The following NALCN variants were observed in gnomAD, a reference collection of about 807,000 sequenced individuals.
NALCN encodes sodium leak channel NALCN.
Under a neutral mutation model 225.3 loss-of-function variants are expected in NALCN, and 111 were observed. The observed-to-expected ratio is 0.49, with a 90% CI of 0.42 to 0.58. NALCN has a LOEUF of 0.58. NALCN is among the 20% of genes least tolerant of loss of function. The pLI, the probability that NALCN is intolerant of heterozygous loss-of-function variation, is 0.00. For synonymous variants in NALCN, 764 were observed against 769.0 expected, an observed-to-expected ratio of 0.99 and a Z score of 0.11; for missense variants, 1,378 against 2,202.4, an observed-to-expected ratio of 0.63 and a Z score of 7.49.
At chr13:101,378,020 C>T (rs2046743503) in intron 4 of NALCN, among the ~76,000 whole-genome samples, 1 of 152,012 alleles carries the variant, frequency 6.6e-6, no homozygotes, top group Admixed American at 6.6e-5. Context: ...TTTATGTTGG[C>T]TAATACCTAT....
intron 1 of NALCN, among the ~76,000 whole-genome samples, chr13:101,405,412 G>A (rs2047589657): frequency 6.6e-6 from 1 of 152,116 alleles, no homozygotes; most frequent in Admixed American, 6.5e-5. Flanking sequence ...TGCCTCATGT[G>A]TCACCATCCC....
chr13:101,095,825 T>C (rs2034472530), intron 27 of NALCN, 145 bp from the exon 28 acceptor site: 2 of 653,504 alleles, frequency 3.1e-6, no homozygotes, highest in Non-Finnish European at 5.2e-6. Context: ...ACCCAGCAAA[T>C]AGTAACAAAG....
intron 15 of NALCN, among the ~76,000 whole-genome samples, chr13:101,151,388 T>C (rs1368233501): frequency 6.6e-6 from 1 of 152,246 alleles, no homozygotes. Flanking sequence ...TAAAAATTTT[T>C]GTAATTTTTT....
chr13:101,335,557 G>A (rs1004719054), intron 7 of NALCN, among the ~76,000 whole-genome samples: 1 of 152,060 alleles, frequency 6.6e-6, no homozygotes, highest in Non-Finnish European at 1.5e-5. Flanking sequence ...ATTTTTATCA[G>A]AGCAAACAGA....
intron 6 of NALCN, among the ~76,000 whole-genome samples, chr13:101,375,455 T>C (rs2046661132): frequency 6.6e-6 from 1 of 152,218 alleles, no homozygotes; most frequent in African/African-American, 2.4e-5. Flanking sequence ...TTACTTTGTA[T>C]ATATACAAGT....
chr13:101,376,969 G>T lies in NALCN; in HGVS notation c.463C>A (p.Arg155=). Residue 155 remains arginine, a synonymous_variant, in exon 5 of 44, where the codon CGG becomes AGG. Coordinates refer to ENST00000251127, the MANE Select transcript of NALCN (RefSeq NM_052867.4). ...PRPLIMIRAF[R]IYFRFELPRT... ...GGCAGTTCAAATCGGAAATAAATCC[G>T]GAATGCTCGGATCATAATCAGTGGC... 1 of 1,614,072 alleles carries T rather than the reference G, an allele frequency of 6.2e-7. No individual in the cohort carries two copies. Among genetic ancestry groups the T allele is most frequent in the Non-Finnish European group, 8.5e-7 (1 of 1,180,018 alleles).
intron 40 of NALCN, among the ~76,000 whole-genome samples, chr13:101,062,990 G>A (rs1310282163): frequency 1.3e-5 from 2 of 152,234 alleles, no homozygotes; most frequent in African/African-American, 4.8e-5. Context: ...GGCCCATGCA[G>A]TTGTAGGTAA....
intron 15 of NALCN, among the ~76,000 whole-genome samples, chr13:101,169,640 T>C (rs2038620191): frequency 1.3e-5 from 2 of 152,208 alleles, no homozygotes; most frequent in African/African-American, 2.4e-5. Flanking sequence ...CTTTTCATTA[T>C]AAATGAAGGA....
intron 7 of NALCN, among the ~76,000 whole-genome samples, chr13:101,312,276 G>A (rs1317170017): frequency 4.6e-5 from 7 of 151,938 alleles, no homozygotes; most frequent in Admixed American, 2.6e-4. Context: ...TCTTGTTAGA[G>A]GTCTATCAAT....
Position 101,201,692 on chromosome 13 carries a change from G to A in NALCN, c.1627-9638C>T, listed in dbSNP as rs542176624. Among the ~76,000 whole-genome samples, 4 of 152,042 alleles carry A rather than the reference G, an allele frequency of 2.6e-5. No homozygotes were observed. In the South Asian group the frequency reaches 8.3e-4, roughly 32 times the overall value. On this transcript the variant is annotated intron_variant, in intron 13 of 43. Coordinates refer to ENST00000251127, the MANE Select transcript of NALCN (RefSeq NM_052867.4). ...GTTTGTACTAAAATACGTGTAAAAT[G>A]TACATTTTTTCATTTAAAAATATAT...
In NALCN at chr13:101,067,831, T is replaced by C. The variant is rs1443015052; in HGVS notation, c.4446+87A>G. The C allele has an allele frequency of 4.5e-5, 41 of 916,134 alleles. No individual in the cohort carries two copies. In the East Asian group the frequency reaches 7.1e-4, roughly 16 times the overall value. 56.8% of individuals were successfully genotyped at this position (916,134 alleles called of 1,614,324 possible). The stretch of plus-strand genomic sequence containing the variant: ...CATTTAAAAATTCAATCTGTGTCAT[T>C]TGCCAACCTGAAAACCATTTAAGTG... On this transcript the variant is annotated intron_variant, in intron 39 of 43. Coordinates refer to ENST00000251127, the MANE Select transcript of NALCN (RefSeq NM_052867.4).
Position 101,290,110 on chromosome 13 carries a change from C to T in NALCN, c.1047+1880G>A, listed in dbSNP as rs56380637. 2.7e-3 allele frequency among the ~76,000 whole-genome samples: 415 copies of T among 152,270 alleles called. 6 individuals are homozygous for T. Among genetic ancestry groups the T allele is most frequent in the African/African-American group, 9.6e-3 (397 of 41,550 alleles). On this transcript the variant is annotated intron_variant, in intron 9 of 43. Transcript: ENST00000251127. ...TCTAGACGCATTACCTCTGAATTAC[C>T]AATTTATTCCTCTTGATTAAGTACA...
At chr13:101,197,885 G>C (rs1488988644) in intron 13 of NALCN, among the ~76,000 whole-genome samples, 1 of 152,188 alleles carries the variant, frequency 6.6e-6, no homozygotes, top group Non-Finnish European at 1.5e-5. Flanking sequence ...AAAGTTGCCA[G>C]CACATTGATG....
At position 101,395,356 on chromosome 13, in the gene NALCN, A is replaced by G; in HGVS notation, c.118T>C (p.Ser40Pro). 2 of 1,613,584 alleles carry G rather than the reference A, an allele frequency of 1.2e-6. No individual in the cohort carries two copies. Among genetic ancestry groups the G allele is most frequent in the Non-Finnish European group, 8.5e-7 (1 of 1,179,724 alleles). Residue 40 changes from serine (S) to proline (P), a missense_variant, in exon 3 of 44, where the codon TCT becomes CCT. Transcript: ENST00000251127. ...ATGATGGCACAGATGCGCAGCAAAG[A>G]GTGAACCCACTGCAATGATGGTCCA... ...ILWINKPWVH[S>P]LLRICAIISV...
chr13:101,197,070 A>T (rs1398396907), intron 13 of NALCN, among the ~76,000 whole-genome samples: 1 of 152,058 alleles, frequency 6.6e-6, no homozygotes, highest in African/African-American at 2.4e-5. Context: ...AAATGGTGAG[A>T]TCTAGTGGAT....
At chr13:101,120,897 TA>T (rs1407130825) in intron 18 of NALCN, among the ~76,000 whole-genome samples, 1 of 152,142 alleles carries the variant, frequency 6.6e-6, no homozygotes, top group East Asian at 1.9e-4. Flanking sequence ...CCTCAACTCA[TA>T]TCAAGAATTC....
intron 11 of NALCN, among the ~76,000 whole-genome samples, chr13:101,247,842 T>C (rs994537919): frequency 5.3e-5 from 8 of 152,076 alleles, no homozygotes; most frequent in African/African-American, 1.9e-4. Context: ...TGTGTTGTTG[T>C]TCTCCCTGTG....
chr13:101,342,287 T>G (rs1028788576), intron 7 of NALCN, among the ~76,000 whole-genome samples: 2 of 152,192 alleles, frequency 1.3e-5, no homozygotes, highest in Admixed American at 6.5e-5. Flanking sequence ...ATGAGGATGG[T>G]GCTTGAGAAT....
chr13:101,389,819 C>T (rs765751091), intron 3 of NALCN, among the ~76,000 whole-genome samples: 5 of 152,294 alleles, frequency 3.3e-5, no homozygotes, highest in Non-Finnish European at 4.4e-5. Flanking sequence ...TGGTGGCTCA[C>T]GCCTGGAATC....
Sources: allele counts gnomAD v4.1 joint callset (sites outside exome capture counted in the v4.1 genomes callset), GRCh38; gene constraint gnomAD v4.1.1; transcripts MANE v1.5; gene names NCBI Gene and HGNC (gene_info 2026-07-23, HGNC 2026-07-21).